The following FAIM2 variants were observed in gnomAD, a reference collection of about 807,000 sequenced individuals.
The protein encoded by FAIM2 is protein lifeguard 2.
A neutral mutation model predicts 47.4 loss-of-function variants in FAIM2; 27 were observed. That is an observed-to-expected ratio of 0.57 (90% CI 0.42 to 0.78). The LOEUF (loss-of-function observed/expected upper bound fraction) is 0.78. Ranked by LOEUF, FAIM2 falls within the 30% of genes least tolerant of loss-of-function variation. The pLI, the probability that FAIM2 is intolerant of heterozygous loss-of-function variation, is 0.00. For missense variants in FAIM2, 311 were observed against 389.4 expected, an observed-to-expected ratio of 0.80 and a Z score of 1.69; for synonymous variants, 156 against 159.3, an observed-to-expected ratio of 0.98 and a Z score of 0.16.
At chr12:49,878,610 G>GTATGTGTGCATGTGTGTA (rs1946765612) in intron 11 of FAIM2, among the ~76,000 whole-genome samples, 1 of 132,582 alleles carries the variant, frequency 7.5e-6, no homozygotes, top group African/African-American at 2.9e-5. Flanking sequence ...GTGTGCATGT[G>GTATGTGTGCATGTGTGTA]TATGTGTGCA....
chr12:49,879,007 CATGTGTGTATGTGT>C (rs1310219373), intron 11 of FAIM2, among the ~76,000 whole-genome samples: 3 of 120,416 alleles, frequency 2.5e-5, no homozygotes, highest in Non-Finnish European at 5.0e-5. Flanking sequence ...TGTGTATGTG[CATGTGTGTATGTGT>C]ATGTGTGTGT....
rs544121430 is a variant in FAIM2 at position 49,867,710 on chromosome 12, C to T, written c.*2794G>A. The T allele has an allele frequency of 6.6e-6, 1 of 152,422 alleles. No homozygotes were observed. Among genetic ancestry groups the T allele is most frequent in the Admixed American group, 6.5e-5 (1 of 15,306 alleles). The allele number at this position is 152,422 out of a possible 1,614,324, so 9.4% of individuals were successfully genotyped here. A position where few individuals can be genotyped will look rare whatever the true frequency, so the allele number is the denominator to read the frequency against. The stretch of plus-strand genomic sequence containing the variant: ...AAAATGTGAAGGGCCTGCAGACTCC[C>T]TTCCTCCTTTACAGCTTGTGACACC... On this transcript the variant is annotated 3_prime_UTR_variant, in exon 12 of 12. Coordinates refer to ENST00000320634, the MANE Select transcript of FAIM2 (RefSeq NM_012306.4).
At chr12:49,879,871 CGTGTAT>C (rs1318276367) in intron 11 of FAIM2, among the ~76,000 whole-genome samples, 7 of 127,868 alleles carry the variant, frequency 5.5e-5, no homozygotes, top group Admixed American at 2.2e-4. Context: ...TGTATATGTA[CGTGTAT>C]GTGTATGTGT....
intron 11 of FAIM2, among the ~76,000 whole-genome samples, chr12:49,880,195 T>C (rs1946801947): frequency 9.7e-6 from 1 of 103,068 alleles, no homozygotes; most frequent in African/African-American, 3.8e-5. Context: ...TGTGTATATG[T>C]GCATGTGTGT....
At chr12:49,877,051 G>A (rs1946741533) in intron 11 of FAIM2, among the ~76,000 whole-genome samples, 1 of 152,202 alleles carries the variant, frequency 6.6e-6, no homozygotes, top group Non-Finnish European at 1.5e-5. Context: ...CAACCCTACT[G>A]GCCGTGCCAG....
At chr12:49,880,425 CAT>C (rs1309144686) in intron 11 of FAIM2, among the ~76,000 whole-genome samples, 40 of 135,410 alleles carry the variant, frequency 3.0e-4, no homozygotes, top group African/African-American at 9.5e-4. Flanking sequence ...TGTATATGTG[CAT>C]ATCTCTGCAT....
chr12:49,871,649 TTTTTC>T (rs777209850), intron 11 of FAIM2, among the ~76,000 whole-genome samples: 147 of 150,472 alleles, frequency 9.8e-4, no homozygotes, highest in African/African-American at 2.3e-3. Context: ...ATTGGAATTT[TTTTTC>T]TTTTCTTTTC....
intron 11 of FAIM2, among the ~76,000 whole-genome samples, chr12:49,873,344 G>A (rs1946715520): frequency 6.6e-6 from 1 of 152,126 alleles, no homozygotes; most frequent in Non-Finnish European, 1.5e-5. Context: ...TCCACTATTT[G>A]TATTTTTGAG....
intron 5 of FAIM2, among the ~76,000 whole-genome samples, chr12:49,891,512 C>G (rs757924666): frequency 6.6e-6 from 1 of 152,114 alleles, no homozygotes; most frequent in Admixed American, 6.5e-5. Context: ...TGCTGAGGCA[C>G]GGGGAGGTCA....
At chr12:49,891,926 A>C (rs1946902809) in intron 5 of FAIM2, among the ~76,000 whole-genome samples, 1 of 152,024 alleles carries the variant, frequency 6.6e-6, no homozygotes. Context: ...ATGGCTGGGG[A>C]CCCAAGGGTG....
At chr12:49,894,716 G>A (rs903647520) in intron 5 of FAIM2, among the ~76,000 whole-genome samples, 1 of 152,256 alleles carries the variant, frequency 6.6e-6, no homozygotes, top group Non-Finnish European at 1.5e-5. Flanking sequence ...GAGCACAGAG[G>A]GCAAATACAT....
At chr12:49,893,702 G>A (rs1197655627) in intron 5 of FAIM2, among the ~76,000 whole-genome samples, 6 of 152,290 alleles carry the variant, frequency 3.9e-5, no homozygotes, top group Admixed American at 3.9e-4. Context: ...TTCAAATAAT[G>A]AGGAACTGTT....
chr12:49,896,961 GAC>G (rs1355024490), intron 5 of FAIM2, 68 bp downstream of exon 5: 4 of 1,281,796 alleles, frequency 3.1e-6, no homozygotes, highest in Non-Finnish European at 4.6e-6. Context: ...GGTCAAGAAA[GAC>G]ACAGAGATTC....
chr12:49,891,352 G>C (rs370393562), intron 5 of FAIM2, among the ~76,000 whole-genome samples: 2 of 152,186 alleles, frequency 1.3e-5, no homozygotes, highest in African/African-American at 4.8e-5. Context: ...GGTCACATGA[G>C]ACAGCTGTTC....
intron 11 of FAIM2, among the ~76,000 whole-genome samples, chr12:49,880,724 A>ATGTG (rs767319926): frequency 3.5e-4 from 22 of 62,068 alleles, no homozygotes; most frequent in African/African-American, 1.3e-3. Flanking sequence ...ATGCGTGTAT[A>ATGTG]TGTGTGTGTG....
intron 11 of FAIM2, among the ~76,000 whole-genome samples, chr12:49,885,721 A>C (rs1946856431): frequency 6.6e-6 from 1 of 151,968 alleles, no homozygotes; most frequent in South Asian, 2.1e-4. Context: ...AAATCATTCC[A>C]TTTCTCTGGA....
At chr12:49,895,977 C>T (rs1294137287) in intron 5 of FAIM2, among the ~76,000 whole-genome samples, 3 of 152,270 alleles carry the variant, frequency 2.0e-5, no homozygotes, top group African/African-American at 4.8e-5. Flanking sequence ...AAATGTACCA[C>T]GTGCATTCTC....
In FAIM2 at chr12:49,896,913, G is replaced by A. The variant is rs758870174; in HGVS notation, c.434+118C>T. On this transcript the variant is annotated intron_variant, in intron 5 of 11. Transcript: ENST00000320634. ...GGGTTGGAGGGGATCTGTGAGGACA[G>A]TCCCTGTGGGGCTGGGGGAAGCTAC... 3.4e-4 allele frequency: 284 copies of A among 834,294 alleles called. No homozygotes were observed. In the Middle Eastern group the frequency reaches 3.9e-3, roughly 11 times the overall value. The allele number at this position is 834,294 out of a possible 1,614,324, so 51.7% of individuals were successfully genotyped here.
At chr12:49,897,767 C>G (rs1015528771) in intron 3 of FAIM2, among the ~76,000 whole-genome samples, 184 bp from the exon 4 acceptor site, 1 of 151,868 alleles carries the variant, frequency 6.6e-6, no homozygotes, top group Non-Finnish European at 1.5e-5. Context: ...CAAGCGCACC[C>G]CCCCCCAGCA....
Sources: allele counts gnomAD v4.1 joint callset (sites outside exome capture counted in the v4.1 genomes callset), GRCh38; gene constraint gnomAD v4.1.1; transcripts MANE v1.5; gene names NCBI Gene and HGNC (gene_info 2026-07-23, HGNC 2026-07-21).